POC5: variants seen among roughly 807,000 people sequenced by gnomAD.
The protein encoded by POC5 is POC5 centriolar protein.
In POC5, 48 loss-of-function variants were observed where a neutral mutation model predicts 62.9. The ratio of observed to expected loss-of-function variants is 0.76; its 90% CI spans 0.61 to 0.97. The LOEUF (loss-of-function observed/expected upper bound fraction) is 0.97. Ranked by LOEUF, POC5 falls within the 50% of genes least tolerant of loss-of-function variation. POC5 has a pLI of 0.00. For synonymous variants in POC5, 236 were observed against 228.2 expected (o/e 1.03, Z -0.31); for missense variants, 696 against 679.5 (o/e 1.02, Z -0.27).
chr5:75,688,189 C>T (rs1776175681), intron 9 of POC5, among the ~76,000 whole-genome samples: 1 of 152,198 alleles, frequency 6.6e-6, no homozygotes, highest in African/African-American at 2.4e-5. Context: ...TAATCATTTA[C>T]AAAATCTTGA....
chr5:75,693,663 T>C (rs78300641), intron 6 of POC5, among the ~76,000 whole-genome samples: 1 of 152,188 alleles, frequency 6.6e-6, no homozygotes, highest in Non-Finnish European at 1.5e-5. Flanking sequence ...TTATACGAAA[T>C]CAAGGTATGT....
intron 3 of POC5, 112 bp downstream of exon 3, chr5:75,707,625 A>ATTC: frequency 1.2e-6 from 1 of 848,128 alleles, no homozygotes; most frequent in Non-Finnish European, 1.8e-6. Flanking sequence ...AATACACATA[A>ATTC]ATGGTTGAGA....
At chr5:75,689,562 G>T (rs1776233305) in intron 8 of POC5, 2 of 983,040 alleles carry the variant, frequency 2.0e-6, no homozygotes, top group Admixed American at 6.1e-5. Context: ...AATATTAACA[G>T]AATTTTTATA....
intron 9 of POC5, among the ~76,000 whole-genome samples, chr5:75,686,565 T>A (rs967131884): frequency 6.6e-6 from 1 of 152,218 alleles, no homozygotes; most frequent in African/African-American, 2.4e-5. Flanking sequence ...AAAATACTTT[T>A]AATTTGAAAA....
At position 75,705,770 on chromosome 5, in the gene POC5, T is replaced by G; in HGVS notation, c.241A>C (p.Arg81=). The G allele has an allele frequency of 6.5e-7, 1 of 1,549,996 alleles. No homozygotes were observed. The highest frequency in any genetic ancestry group is 1.7e-4 in the Middle Eastern group (1 of 5,946). Residue 81 remains arginine (R), a synonymous_variant, in exon 4 of 12, where the codon AGA becomes CGA. Transcript: ENST00000428202. The part of the protein sequence containing the change: ...LHSQGNNSEV[R]ETAIEVGKGC... ...TTTCCAACTTCTATTGCAGTTTCTC[T>G]TACTTCAGAGTTATTTCCTGCCAAA...
At chr5:75,688,669 A>G (rs778555648) in intron 9 of POC5, among the ~76,000 whole-genome samples, 2 of 152,234 alleles carry the variant, frequency 1.3e-5, no homozygotes, top group Non-Finnish European at 2.9e-5. Flanking sequence ...GCTACTTAAG[A>G]AAAGACAAAA....
At chr5:75,715,309 CAAAAA>C (rs922297009) in intron 1 of POC5, among the ~76,000 whole-genome samples, 2 of 59,324 alleles carry the variant, frequency 3.4e-5, no homozygotes, top group Non-Finnish European at 7.0e-5. Context: ...GACTCCGTCT[CAAAAA>C]AAAAAAAAAA....
chr5:75,712,983 T>C, intron 1 of POC5, 32 bp from the exon 2 acceptor site: 1 of 1,448,548 alleles, frequency 6.9e-7, no homozygotes, highest in Non-Finnish European at 9.5e-7. Context: ...TTAGCTTTTT[T>C]CCTTGATATT....
In POC5 at chr5:75,685,411, C is replaced by T. The variant is rs753584597; in HGVS notation, c.1203G>A (p.Leu401=). ...GVQGKEHSAH[L]DPSAPPMPLP... ...AGGGCATCGGAGGAGCTGAAGGATCCAAATGAGCAGAATGTTCTTTTCCTT... is the reference window on the plus strand; with the variant it reads ...AGGGCATCGGAGGAGCTGAAGGATCTAAATGAGCAGAATGTTCTTTTCCTT... The change falls in exon 10 of 12, where the codon TTG becomes TTA. Residue 401 remains leucine, a synonymous_variant. Coordinates refer to ENST00000428202, the MANE Select transcript of POC5 (RefSeq NM_001099271.2). The T allele has an allele frequency of 5.6e-6, 9 of 1,613,884 alleles. No homozygotes were observed. The highest frequency in any genetic ancestry group is 7.6e-6 in the Non-Finnish European group (9 of 1,179,838).
In POC5 at chr5:75,694,930, C is replaced by A. The variant is rs965590663; in HGVS notation, c.514-99G>T. 10 of 861,610 alleles carry A rather than the reference C, an allele frequency of 1.2e-5. No homozygotes were observed. The African/African-American group carries it at 1.7e-4, about 15-fold the overall frequency. 53.4% of individuals were successfully genotyped at this position (861,610 alleles called of 1,614,324 possible). ...GAAACATTAAAAAAATCAGAACAAGCATCAACACAAAAGTCATTAAAACAA... is the reference window on the plus strand; with the variant it reads ...GAAACATTAAAAAAATCAGAACAAGAATCAACACAAAAGTCATTAAAACAA... On this transcript the variant is annotated intron_variant, in intron 5 of 11. Coordinates refer to ENST00000428202, the MANE Select transcript of POC5 (RefSeq NM_001099271.2).
chr5:75,680,415 C>T (rs1775823963), intron 10 of POC5, among the ~76,000 whole-genome samples: 1 of 152,010 alleles, frequency 6.6e-6, no homozygotes, highest in Non-Finnish European at 1.5e-5. Flanking sequence ...CTTTAGAATG[C>T]CTTCAATAAT....
At chr5:75,696,552 C>T (rs1776601459) in intron 5 of POC5, among the ~76,000 whole-genome samples, 1 of 151,450 alleles carries the variant, frequency 6.6e-6, no homozygotes, top group Admixed American at 6.6e-5. Flanking sequence ...CACCAAAAAC[C>T]CATCTGTACA....
intron 1 of POC5, among the ~76,000 whole-genome samples, chr5:75,717,057 C>A (rs1368733545): frequency 6.6e-6 from 1 of 152,178 alleles, no homozygotes; most frequent in African/African-American, 2.4e-5. Flanking sequence ...GTTATTTTTT[C>A]TCAACGTTTT....
chr5:75,707,643 C>A, intron 3 of POC5, 94 bp downstream of exon 3: 1 of 1,003,996 alleles, frequency 1.0e-6, no homozygotes, highest in Non-Finnish European at 1.4e-6. Flanking sequence ...AGAAGAATCA[C>A]TGATCTGGAC....
chr5:75,675,260 A>G (rs1224947167), intron 11 of POC5, among the ~76,000 whole-genome samples: 1 of 138,764 alleles, frequency 7.2e-6, no homozygotes, highest in South Asian at 2.5e-4. Flanking sequence ...ATTTACATGT[A>G]AACATGAACA....
At chr5:75,710,126 G>A (rs1777282233) in intron 2 of POC5, among the ~76,000 whole-genome samples, 1 of 152,150 alleles carries the variant, frequency 6.6e-6, no homozygotes. Context: ...ACAGCTCATG[G>A]TACAGCAAAA....
At position 75,705,752 on chromosome 5, in the gene POC5, C is replaced by A. The variant is rs1164796680; in HGVS notation, c.259G>T (p.Val87Phe). Residue 87 changes from valine (V) to phenylalanine (F), a missense_variant, in exon 4 of 12, where the codon GTT becomes TTT. Coordinates refer to ENST00000428202, the MANE Select transcript of POC5 (RefSeq NM_001099271.2). ...NSEVRETAIE[V>F]GKGCDFHISS... ...ATATGGAAATCACATCCTTTTCCAA[C>A]TTCTATTGCAGTTTCTCTTACTTCA... is the stretch of plus-strand genomic sequence containing the variant. 18 of 1,555,530 alleles carry A rather than the reference C, an allele frequency of 1.2e-5. No homozygotes were observed. Among genetic ancestry groups the A allele is most frequent in the Non-Finnish European group, 1.4e-5 (16 of 1,150,628 alleles).
chr5:75,694,692 TG>T lies in POC5; in HGVS notation c.652del (p.Gln218LysfsTer14), dbSNP rs1776484199. ...CCCAATGGAGATTTCAAAGGTTTTT[TG>T]CAGCTCCTTCAATTCATTGATCTGA... ...CNQINELKEL[Q>X]KTFEISIGRK... On this transcript the variant is annotated frameshift_variant, in exon 6 of 12. Transcript: ENST00000428202. LOFTEE classifies it high-confidence loss of function. The T allele has an allele frequency of 6.3e-7, 1 of 1,579,632 alleles. No homozygotes were observed. The highest frequency in any genetic ancestry group is 1.2e-5 in the South Asian group (1 of 82,834).
At chr5:75,712,324 G>A (rs1291421777) in intron 2 of POC5, 2 of 1,484,386 alleles carry the variant, frequency 1.3e-6, no homozygotes, top group Non-Finnish European at 1.9e-6. Flanking sequence ...TTAGAAATAA[G>A]AGAAATTTAA....
Sources: gnomAD v4.1 joint callset for allele counts (sites outside exome capture counted in the v4.1 genomes callset) on GRCh38, gnomAD v4.1.1 for gene constraint, MANE v1.5 for transcripts, NCBI Gene and HGNC (gene_info 2026-07-23, HGNC 2026-07-21) for gene names.